The following ADD1 variants were observed in gnomAD, a reference collection of about 807,000 sequenced individuals.
The protein encoded by ADD1 is adducin 1.
In ADD1, 24 loss-of-function variants were observed where a neutral mutation model predicts 80.5. That is an observed-to-expected ratio of 0.30 (90% CI 0.22 to 0.42). ADD1 has a LOEUF of 0.42. ADD1 is among the 10% of genes least tolerant of loss of function. The pLI, the probability that ADD1 is intolerant of heterozygous loss-of-function variation, is 1.00. For synonymous variants in ADD1, 373 were observed against 393.8 expected (o/e 0.95, Z 0.63); for missense variants, 948 against 1,019.0 (o/e 0.93, Z 0.95).
intron 1 of ADD1, chr4:2,867,794 T>G (rs1009322520): frequency 6.6e-6 from 1 of 152,298 alleles, no homozygotes; most frequent in African/African-American, 2.4e-5. Flanking sequence ...GACATCCTGA[T>G]TGTCAGAGAG....
chr4:2,926,699 C>T lies in ADD1; in HGVS notation c.2047+587C>T. 1.2e-6 allele frequency: 2 copies of T among 1,611,566 alleles called. No individual in the cohort carries two copies. The highest frequency in any genetic ancestry group is 2.2e-5 in the South Asian group (2 of 90,872). ...TAGTAAGTACCGTGCTGCCTCCGCT[C>T]TCCACCGGTGCCCTGCGCTTTGCCT... is the stretch of plus-strand genomic sequence containing the variant. On this transcript the variant is annotated intron_variant, in intron 15 of 15. Transcript: ENST00000683351. This position sits in a 1 kb window ranked among gnomAD's most constrained non-coding sequence, Gnocchi z 5.0.
At chr4:2,893,569 C>T (rs988751740) in intron 4 of ADD1, among the ~76,000 whole-genome samples, 4 of 151,524 alleles carry the variant, frequency 2.6e-5, no homozygotes, top group African/African-American at 7.3e-5. Context: ...GCCATGATCA[C>T]GCCACTGCAC....
In ADD1 at chr4:2,926,885, C is replaced by T. The variant is rs542112649; in HGVS notation, c.2047+773C>T. Reference sequence around the variant, plus strand: ...CCTTCAGCGGCAGCGGGTACCTCCACGCACCTAGGTGCCATGGAGCACTCT... The same window carrying T: ...CCTTCAGCGGCAGCGGGTACCTCCATGCACCTAGGTGCCATGGAGCACTCT... On this transcript the variant is annotated intron_variant, in intron 15 of 15. Coordinates refer to ENST00000683351, the MANE Select transcript of ADD1 (RefSeq NM_001354761.2). This position sits in a 1 kb window ranked among gnomAD's most constrained non-coding sequence, Gnocchi z 5.0. Among the ~76,000 whole-genome samples, 23 of 152,344 alleles carry T rather than the reference C, an allele frequency of 1.5e-4. No homozygotes were observed. The highest frequency in any genetic ancestry group is 2.0e-4 in the Admixed American group (3 of 15,304).
At chr4:2,923,651 A>G (rs1740466525) in intron 14 of ADD1, among the ~76,000 whole-genome samples, 1 of 152,212 alleles carries the variant, frequency 6.6e-6, no homozygotes, top group Non-Finnish European at 1.5e-5. Flanking sequence ...TTGAAGCTTC[A>G]CCGGGGAGAG....
intron 4 of ADD1, among the ~76,000 whole-genome samples, chr4:2,885,626 T>C (rs1023367453): frequency 1.3e-4 from 20 of 151,958 alleles, no homozygotes; most frequent in African/African-American, 4.8e-4. Flanking sequence ...TTTTTTTTTT[T>C]TGAGACAGAG....
intron 7 of ADD1, 48 bp downstream of exon 7, chr4:2,898,375 T>C: frequency 1.2e-6 from 2 of 1,614,102 alleles, no homozygotes; most frequent in Non-Finnish European, 1.7e-6. Context: ...GAAAGAAGAA[T>C]AAAGCAAAGG....
intron 6 of ADD1, among the ~76,000 whole-genome samples, chr4:2,897,565 T>G (rs59692453): frequency 7.7e-6 from 1 of 130,316 alleles, no homozygotes; most frequent in Admixed American, 7.7e-5. Context: ...TTTTTTTTTT[T>G]AGGAGATGAG....
At chr4:2,888,208 C>G (rs550690378) in intron 4 of ADD1, among the ~76,000 whole-genome samples, 181 of 150,372 alleles carry the variant, frequency 1.2e-3, no homozygotes, top group African/African-American at 4.1e-3. Context: ...AGGCATGTGC[C>G]ACCATGCGCA....
chr4:2,923,086 G>T (rs1740346042), intron 14 of ADD1, among the ~76,000 whole-genome samples: 1 of 152,234 alleles, frequency 6.6e-6, no homozygotes, highest in Non-Finnish European at 1.5e-5. Flanking sequence ...CATGGGGGTG[G>T]GATCTGCTGA....
At chr4:2,908,785 G>C in intron 12 of ADD1, 181 bp downstream of exon 12, 1 of 615,362 alleles carries the variant, frequency 1.6e-6, no homozygotes, top group Non-Finnish European at 2.9e-6. Context: ...TCTAGAAGGA[G>C]CGAGCATGCT....
rs751001448 is a variant in ADD1 at position 2,875,965 on chromosome 4, C to T, written c.50C>T (p.Thr17Ile). 2 of 1,613,902 alleles carry T rather than the reference C, an allele frequency of 1.2e-6. No homozygotes were observed. Among genetic ancestry groups the T allele is most frequent in the East Asian group, 2.2e-5 (1 of 44,880 alleles). ...GTGGTGACCTCACCACCCCCGACCA[C>T]AGCCCCTCACAAGGAGAGGTACTTC... ...AAVVTSPPPT[T>I]APHKERYFDR... The change falls in exon 2 of 16, where the codon ACA (threonine) becomes ATA (isoleucine). Residue 17 changes from threonine to isoleucine, a missense_variant. Physicochemically the swap from Thr to Ile is moderately conservative, Grantham distance 89. Transcript: ENST00000683351.
Position 2,899,303 on chromosome 4 carries a change from G to A in ADD1, c.1029G>A (p.Leu343=), listed in dbSNP as rs759559006. 6 of 1,614,052 alleles carry A rather than the reference G, an allele frequency of 3.7e-6. No homozygotes were observed. The South Asian group carries it at 4.4e-5, about 12-fold the overall frequency. Residue 343 remains leucine (L), a synonymous_variant, in exon 9 of 16, where the codon CTG becomes CTA. Coordinates refer to ENST00000683351, the MANE Select transcript of ADD1 (RefSeq NM_001354761.2). ...CAGGAGGACCAGACAACTTAGTCCT[G>A]CTGAATCCTGAGAAGTACAAAGCCA... ...ASAGGPDNLV[L]LNPEKYKAKS...
Position 2,908,508 on chromosome 4 carries a change from C to A in ADD1, c.1609-7C>A, listed in dbSNP as rs766319659. 12 of 1,613,562 alleles carry A rather than the reference C, an allele frequency of 7.4e-6. No homozygotes were observed. Among genetic ancestry groups the A allele is most frequent in the Non-Finnish European group, 1.0e-5 (12 of 1,179,574 alleles). On this transcript the variant is annotated splice_region_variant and splice_polypyrimidine_tract_variant and intron_variant, in intron 11 of 15. Coordinates refer to ENST00000683351, the MANE Select transcript of ADD1 (RefSeq NM_001354761.2). ...TGTTGATGTGTGCCTCTCCTTCCCA[C>A]CCTCAGATCCGAGAGCAGAATTTAC... is the stretch of plus-strand genomic sequence containing the variant.
Position 2,928,350 on chromosome 4 carries a change from C to G in ADD1, c.2227C>G (p.Pro743Ala). 1 of 1,613,768 alleles carries G rather than the reference C, an allele frequency of 6.2e-7. No homozygotes were observed. The highest frequency in any genetic ancestry group is 8.5e-7 in the Non-Finnish European group (1 of 1,179,924). Reference protein sequence around the residue: ...TEAPTEASPEPAPDPAPVAEE... With the variant: ...TEAPTEASPEAAPDPAPVAEE... ...GGCCCCTACTGAGGCCAGCCCCGAG[C>G]CAGCCCCAGACCCAGCCCCGGTGGC... is the stretch of plus-strand genomic sequence containing the variant. The change falls in exon 16 of 16, where the codon CCA (proline) becomes GCA (alanine). Residue 743 changes from proline (P) to alanine (A), a missense_variant. Physicochemically the swap from Pro to Ala is conservative, Grantham distance 27. Coordinates refer to ENST00000683351, the MANE Select transcript of ADD1 (RefSeq NM_001354761.2).
At chr4:2,925,168 G>A (rs895737201) in intron 14 of ADD1, among the ~76,000 whole-genome samples, 1 of 152,170 alleles carries the variant, frequency 6.6e-6, no homozygotes, top group Non-Finnish European at 1.5e-5. Flanking sequence ...ACCTTTTCCC[G>A]GTTGAGGCTG....
chr4:2,866,455 C>T (rs1461915940), intron 1 of ADD1, among the ~76,000 whole-genome samples: 1 of 151,568 alleles, frequency 6.6e-6, no homozygotes, highest in South Asian at 2.1e-4. Flanking sequence ...GGATTACAGG[C>T]GTCAGCCTCT....
At chr4:2,851,640 C>T (rs892394382) in intron 1 of ADD1, among the ~76,000 whole-genome samples, 7 of 152,128 alleles carry the variant, frequency 4.6e-5, no homozygotes, top group Non-Finnish European at 8.8e-5. Context: ...ACCTTGTTGC[C>T]AGATGATACC....
At chr4:2,864,262 A>C (rs892438901) in intron 1 of ADD1, among the ~76,000 whole-genome samples, 1 of 152,070 alleles carries the variant, frequency 6.6e-6, no homozygotes, top group Admixed American at 6.5e-5. Context: ...AAATACAAAA[A>C]ATTAGCTGGG....
intron 2 of ADD1, among the ~76,000 whole-genome samples, chr4:2,876,556 G>C (rs1042788617): frequency 6.6e-6 from 1 of 151,956 alleles, no homozygotes; most frequent in African/African-American, 2.4e-5. Flanking sequence ...ACAAAAATTG[G>C]CCAGGCGCGG....
Sources: allele counts gnomAD v4.1 joint callset (sites outside exome capture counted in the v4.1 genomes callset), GRCh38; gene constraint gnomAD v4.1.1; non-coding constraint Gnocchi (gnomAD v3.1); transcripts MANE v1.5; gene names NCBI Gene and HGNC (gene_info 2026-07-23, HGNC 2026-07-21).